The following ABCC8 variants were observed in gnomAD, a reference collection of about 807,000 sequenced individuals.
ABCC8 encodes the protein ATP-binding cassette sub-family C member 8.
Under a neutral mutation model 188.0 loss-of-function variants are expected in ABCC8, and 137 were observed. The observed-to-expected ratio is 0.73, with a 90% confidence interval of 0.63 to 0.84. ABCC8 has a LOEUF of 0.84. ABCC8 is among the 40% of genes least tolerant of loss of function. The probability of loss-of-function intolerance (pLI) is 0.00; values close to 1 mark genes in which losing one functional copy is unlikely to be tolerated. For missense variants in ABCC8, 1,750 were observed against 2,072.7 expected (o/e 0.84, Z 3.02); for synonymous variants, 797 against 846.5 (o/e 0.94, Z 1.01).
At chr11:17,408,685 C>T (rs1011645779) in intron 22 of ABCC8, 168 bp from the exon 23 acceptor site, 3 of 585,312 alleles carry the variant, frequency 5.1e-6, no homozygotes, top group Non-Finnish European at 6.5e-6. Flanking sequence ...CTACCCCAAC[C>T]AACATACTCC....
intron 6 of ABCC8, 150 bp downstream of exon 6, chr11:17,460,338 T>C (rs1377165504): frequency 8.0e-7 from 1 of 1,255,408 alleles, no homozygotes; most frequent in Non-Finnish European, 1.1e-6. Context: ...ATGTAGAGTA[T>C]TCTGTGGTGG....
At position 17,414,475 on chromosome 11, in the gene ABCC8, C is replaced by A. The variant is rs751583737; in HGVS notation, c.2390+37G>T. On this transcript the variant is annotated intron_variant, in intron 19 of 38. Transcript: ENST00000389817. ...GGCAGGCTGGCCAGAGACAGTTCCTCCCCTCCACATCCTGCCTCCCTCCGA... is the reference window on the plus strand; with the variant it reads ...GGCAGGCTGGCCAGAGACAGTTCCTACCCTCCACATCCTGCCTCCCTCCGA... 7 of 1,612,858 alleles carry A rather than the reference C, an allele frequency of 4.3e-6. No individual in the cohort carries two copies. The Admixed American group carries it at 1.2e-4, about 27-fold the overall frequency.
intron 16 of ABCC8, among the ~76,000 whole-genome samples, chr11:17,422,833 T>C (rs1053289206): frequency 9.9e-5 from 15 of 152,174 alleles, no homozygotes; most frequent in African/African-American, 3.4e-4. Flanking sequence ...ATGCATCCAG[T>C]GTTCCAGGTG....
At chr11:17,457,261 G>GAC (rs1297374955) in intron 6 of ABCC8, among the ~76,000 whole-genome samples, 1 of 151,986 alleles carries the variant, frequency 6.6e-6, no homozygotes, top group East Asian at 1.9e-4. Context: ...CGGGGGCATA[G>GAC]ACACACACAC....
rs1198449842 is a variant in ABCC8, at chr11:17,404,575, A to G, written c.3494T>C (p.Val1165Ala). ...VISYVTPVFL[V>A]ALLPLAIVCY... Reference sequence around the variant, plus strand: ...CACGATGGCCAGGGGCAAGAGGGCCACGAGGAACACAGGTGTGACATAGGA... The same window carrying G: ...CACGATGGCCAGGGGCAAGAGGGCCGCGAGGAACACAGGTGTGACATAGGA... The change falls in exon 28 of 39, where the codon GTG becomes GCG. Residue 1165 changes from valine (V) to alanine (A), a missense_variant. Transcript: ENST00000389817. The surrounding 1 kb of genome is among the most constrained non-coding windows in gnomAD (Gnocchi z 4.7). The G allele has an allele frequency of 6.2e-7, 1 of 1,614,098 alleles. No individual in the cohort carries two copies.
In ABCC8 at chr11:17,407,049, C is replaced by T. The variant is rs144329652; in HGVS notation, c.3001G>A (p.Ala1001Thr). ...ATGCCGGCGGAGGACAGGTACTTGGCGCAGGCTCGCCATGGGATCTCAGCA... is the reference window on the plus strand; with the variant it reads ...ATGCCGGCGGAGGACAGGTACTTGGTGCAGGCTCGCCATGGGATCTCAGCA... Reference protein sequence around the residue: ...QRAEIPWRACAKYLSSAGILL... With the variant: ...QRAEIPWRACTKYLSSAGILL... The change falls in exon 25 of 39, where the codon GCC (alanine) becomes ACC (threonine). Residue 1001 changes from alanine to threonine, a missense_variant. By Grantham distance (58) the Ala-to-Thr change is moderately conservative. Coordinates refer to ENST00000389817, the MANE Select transcript of ABCC8 (RefSeq NM_000352.6). 4.4e-5 allele frequency: 71 copies of T among 1,613,952 alleles called. No individual in the cohort carries two copies. Among genetic ancestry groups the T allele is most frequent in the Non-Finnish European group, 5.7e-5 (67 of 1,180,044 alleles).
chr11:17,452,494 C>T (rs1420423079), intron 7 of ABCC8, among the ~76,000 whole-genome samples: 2 of 152,178 alleles, frequency 1.3e-5, no homozygotes, highest in Non-Finnish European at 2.9e-5. Context: ...AAGGAACACA[C>T]AACCTAGACC....
intron 7 of ABCC8, among the ~76,000 whole-genome samples, chr11:17,450,310 CT>C (rs1477416531): frequency 8.0e-6 from 1 of 125,714 alleles, no homozygotes; most frequent in East Asian, 2.1e-4. Flanking sequence ...TTCTTTCTTT[CT>C]TTCTTTCTTT....
chr11:17,397,883 G>C (rs1457660631), intron 30 of ABCC8, 86 bp from the exon 31 acceptor site: 3 of 1,557,350 alleles, frequency 1.9e-6, no homozygotes, highest in Non-Finnish European at 2.6e-6. Context: ...GGGGCAGAGA[G>C]CAGCTCAGCC....
Position 17,427,065 on chromosome 11 carries a change from C to A in ABCC8, c.2206G>T (p.Ala736Ser), listed in dbSNP as rs191697443. The change falls in exon 16 of 39, where the codon GCT (alanine) becomes TCT (serine). Residue 736 changes from alanine to serine, a missense_variant. Transcript: ENST00000389817. The surrounding 1 kb of genome is among the most constrained non-coding windows in gnomAD (Gnocchi z 5.0). Reference sequence around the variant, plus strand: ...ATGTATTACCTGCTCCAGAAGACAGCCCCTGAGACCTTCTGCATCTCCCCC... The same window carrying A: ...ATGTATTACCTGCTCCAGAAGACAGACCCTGAGACCTTCTGCATCTCCCCC... The part of the protein sequence containing the change: ...ALGEMQKVSG[A>S]VFWSSLPDSE... The A allele has an allele frequency of 8.1e-5, 131 of 1,613,958 alleles. No homozygotes were observed. Among genetic ancestry groups the A allele is most frequent in the Non-Finnish European group, 1.0e-4 (120 of 1,179,944 alleles).
intron 19 of ABCC8, among the ~76,000 whole-genome samples, chr11:17,414,305 T>A (rs1051253299): frequency 6.6e-6 from 1 of 152,090 alleles, no homozygotes; most frequent in Non-Finnish European, 1.5e-5. Flanking sequence ...TCCTGCCCTC[T>A]CCCCTATGGG....
intron 16 of ABCC8, among the ~76,000 whole-genome samples, chr11:17,422,980 G>A (rs181441247): frequency 8.2e-4 from 124 of 151,930 alleles, no homozygotes; most frequent in African/African-American, 2.9e-3. Flanking sequence ...TACCACATCC[G>A]CAGTGAGCCT....
At position 17,443,323 on chromosome 11, in the gene ABCC8, G is replaced by T; in HGVS notation, c.1333-11C>A. 2 of 1,614,032 alleles carry T rather than the reference G, an allele frequency of 1.2e-6. No individual in the cohort carries two copies. The highest frequency in any genetic ancestry group is 1.7e-6 in the Non-Finnish European group (2 of 1,180,010). Reference sequence around the variant, plus strand: ...CACACCCACAATGATCTGAGGAAGGGGTCATGGGTCAGGTCCCTTTGACCT... The same window carrying T: ...CACACCCACAATGATCTGAGGAAGGTGTCATGGGTCAGGTCCCTTTGACCT... On this transcript the variant is annotated splice_polypyrimidine_tract_variant and intron_variant, in intron 8 of 38. Transcript: ENST00000389817.
intron 8 of ABCC8, among the ~76,000 whole-genome samples, chr11:17,447,154 T>C (rs891423392): frequency 5.3e-5 from 8 of 152,220 alleles, no homozygotes; most frequent in African/African-American, 1.2e-4. Flanking sequence ...TTCTGCTACA[T>C]CAAGCTCTCC....
At chr11:17,412,820 T>C in intron 20 of ABCC8, 74 bp from the exon 21 acceptor site, 2 of 1,555,030 alleles carry the variant, frequency 1.3e-6, no homozygotes, top group Non-Finnish European at 1.7e-6. Flanking sequence ...TACTGGACTA[T>C]GAGCTCTTTG....
intron 33 of ABCC8, chr11:17,396,215 TG>T: frequency 1.8e-6 from 1 of 569,792 alleles, no homozygotes; most frequent in South Asian, 2.0e-5. Context: ...GAAGGAGAGC[TG>T]GGGGGCAGTG....
chr11:17,457,652 C>G (rs1237003938), intron 6 of ABCC8, among the ~76,000 whole-genome samples: 1 of 152,164 alleles, frequency 6.6e-6, no homozygotes, highest in Non-Finnish European at 1.5e-5. Flanking sequence ...AGAGCCCAAC[C>G]TGGGTCCCAG....
At chr11:17,462,049 A>AC (rs1263298357) in intron 4 of ABCC8, among the ~76,000 whole-genome samples, 1 of 149,536 alleles carries the variant, frequency 6.7e-6, no homozygotes, top group African/African-American at 2.5e-5. Flanking sequence ...TCGACTTTGA[A>AC]CCCCCCATGG....
At chr11:17,468,660 T>C (rs971475418) in intron 3 of ABCC8, among the ~76,000 whole-genome samples, 2 of 152,190 alleles carry the variant, frequency 1.3e-5, no homozygotes, top group Non-Finnish European at 2.9e-5. Flanking sequence ...AATGAATTAA[T>C]ATATCACATA....
Sources: gnomAD v4.1 joint callset for allele counts (sites outside exome capture counted in the v4.1 genomes callset) on GRCh38, gnomAD v4.1.1 for gene constraint, Gnocchi (gnomAD v3.1) non-coding constraint, MANE v1.5 for transcripts, NCBI Gene and HGNC (gene_info 2026-07-23, HGNC 2026-07-21) for gene names.